The following TMEM178B variants were observed in gnomAD, a reference collection of about 807,000 sequenced individuals.
TMEM178B encodes the protein transmembrane protein 178B.
TMEM178B carries 5 observed loss-of-function variants against 31.0 expected under a neutral mutation model. That is an observed-to-expected ratio of 0.16 (90% CI 0.08 to 0.34). The LOEUF (loss-of-function observed/expected upper bound fraction) is 0.34, where lower values mean the gene tolerates loss of function less well. Ranked by LOEUF, TMEM178B falls within the 10% of genes least tolerant of loss-of-function variation. The pLI is 1.00. For missense variants in TMEM178B, 275 were observed against 400.3 expected, an observed-to-expected ratio of 0.69 and a Z score of 2.67; for synonymous variants, 164 against 164.0, an observed-to-expected ratio of 1.00 and a Z score of 0.00.
chr7:141,088,149 C>T (rs1164725031), intron 1 of TMEM178B, among the ~76,000 whole-genome samples: 1 of 152,074 alleles, frequency 6.6e-6, no homozygotes, highest in Non-Finnish European at 1.5e-5. Context: ...AAAGCCTGGC[C>T]TCTGTGTCTT....
chr7:141,416,105 T>G (rs1164386914), intron 2 of TMEM178B: 1 of 152,842 alleles, frequency 6.5e-6, no homozygotes, highest in Non-Finnish European at 1.5e-5. Flanking sequence ...TCCAAAACTT[T>G]GAGTCTTGCT....
intron 2 of TMEM178B, among the ~76,000 whole-genome samples, chr7:141,261,181 T>C (rs1158361960): frequency 4.6e-5 from 7 of 152,174 alleles, no homozygotes; most frequent in South Asian, 2.1e-4. Context: ...ACCATTTTGT[T>C]TGGGGCACAA....
chr7:141,255,233 G>T (rs972454757), intron 2 of TMEM178B, among the ~76,000 whole-genome samples: 1 of 152,192 alleles, frequency 6.6e-6, no homozygotes, highest in Non-Finnish European at 1.5e-5. Flanking sequence ...GGGGTACAGA[G>T]GTTGGATTCC....
chr7:141,466,085 G>T (rs1162389253), intron 3 of TMEM178B, among the ~76,000 whole-genome samples: 3 of 152,182 alleles, frequency 2.0e-5, no homozygotes, highest in Admixed American at 2.0e-4. Context: ...AGCATATATG[G>T]AAATTAATCA....
intron 3 of TMEM178B, among the ~76,000 whole-genome samples, chr7:141,464,766 A>C (rs961549914): frequency 1.3e-5 from 2 of 152,082 alleles, no homozygotes; most frequent in African/African-American, 4.8e-5. Context: ...CACAGTTACT[A>C]TGCCACCAAT....
chr7:141,243,371 T>G (rs1277302577), intron 2 of TMEM178B, among the ~76,000 whole-genome samples: 1 of 152,036 alleles, frequency 6.6e-6, no homozygotes, highest in South Asian at 2.1e-4. Flanking sequence ...ACTTCTGTCT[T>G]TGTAAGGGGT....
At chr7:141,492,210 T>C in the TMEM178B span, among the ~76,000 whole-genome samples, 1 of 152,170 alleles carries the variant, frequency 6.6e-6, no homozygotes, top group Non-Finnish European at 1.5e-5. Flanking sequence ...ATGTGGTCCC[T>C]CTGCTGCGCA....
intron 2 of TMEM178B, among the ~76,000 whole-genome samples, chr7:141,332,424 C>A (rs1799314224): frequency 6.6e-6 from 1 of 152,196 alleles, no homozygotes; most frequent in Admixed American, 6.5e-5. Flanking sequence ...TTGAAGAATT[C>A]TGTTCATTCA....
At chr7:141,307,490 G>A (rs1798834356) in intron 2 of TMEM178B, among the ~76,000 whole-genome samples, 2 of 152,160 alleles carry the variant, frequency 1.3e-5, no homozygotes, top group African/African-American at 4.8e-5. Flanking sequence ...GCTCCTTTCT[G>A]GGAGCCCCCA....
At chr7:141,438,148 G>T (rs1801583716) in intron 3 of TMEM178B, among the ~76,000 whole-genome samples, 1 of 152,042 alleles carries the variant, frequency 6.6e-6, no homozygotes, top group African/African-American at 2.4e-5. Context: ...GTGCTATCTG[G>T]GCACTTTCCG....
intron 2 of TMEM178B, among the ~76,000 whole-genome samples, chr7:141,372,441 C>T (rs1379210007): frequency 6.6e-6 from 1 of 152,154 alleles, no homozygotes; most frequent in African/African-American, 2.4e-5. Context: ...CCTTCACCTC[C>T]TTCAGGTCTT....
intron 1 of TMEM178B, among the ~76,000 whole-genome samples, chr7:141,150,514 A>C (rs1301433821): frequency 1.3e-5 from 2 of 152,210 alleles, no homozygotes; most frequent in East Asian, 3.9e-4. Context: ...ACTTCCCTTG[A>C]CCCATGAAAG....
Position 141,154,731 on chromosome 7 carries a change from C to CT in TMEM178B, c.383-57844dup, listed in dbSNP as rs377268150. On this transcript the variant is annotated intron_variant, in intron 1 of 3. Transcript: ENST00000565468. ...TGGGATGCAGCTGTTAACTTGTTAACTTTTTTTTTTTTTTTTGAGGCAGAG... is the reference window on the plus strand; with the variant it reads ...TGGGATGCAGCTGTTAACTTGTTAACTTTTTTTTTTTTTTTTTGAGGCAGAG... Among the ~76,000 whole-genome samples the CT allele has an allele frequency of 7.1e-3, 999 of 141,184 alleles. 4 individuals are homozygous for CT. The highest frequency in any genetic ancestry group is 0.011 in the African/African-American group (419 of 38,810). The allele number at this position is 141,184 out of a possible 152,430, so 92.6% of individuals were successfully genotyped here.
intron 2 of TMEM178B, among the ~76,000 whole-genome samples, chr7:141,374,815 T>G (rs914378768): frequency 6.6e-6 from 1 of 152,260 alleles, no homozygotes; most frequent in African/African-American, 2.4e-5. Context: ...TTTAATCTGA[T>G]AGATGAGATC....
intron 2 of TMEM178B, among the ~76,000 whole-genome samples, chr7:141,411,904 T>C (rs1800996718): frequency 6.6e-6 from 1 of 152,216 alleles, no homozygotes; most frequent in Non-Finnish European, 1.5e-5. Flanking sequence ...GGCTTGTCTT[T>C]AGTGACAGGC....
At chr7:141,325,937 A>G (rs1310660136) in intron 2 of TMEM178B, among the ~76,000 whole-genome samples, 2 of 152,356 alleles carry the variant, frequency 1.3e-5, no homozygotes, top group Non-Finnish European at 2.9e-5. Flanking sequence ...TTTAGATCAC[A>G]GACACCTTTG....
chr7:141,436,290 A>G (rs1415558404), intron 2 of TMEM178B, among the ~76,000 whole-genome samples: 1 of 152,178 alleles, frequency 6.6e-6, no homozygotes, highest in Non-Finnish European at 1.5e-5. Flanking sequence ...AAGATTGTCC[A>G]GGCAGGCTGC....
intron 2 of TMEM178B, among the ~76,000 whole-genome samples, chr7:141,375,531 A>G (rs1462194852): frequency 1.3e-5 from 2 of 152,202 alleles, no homozygotes; most frequent in Non-Finnish European, 2.9e-5. Flanking sequence ...ACTGCATTAC[A>G]TCCTGTTTCT....
Position 141,422,946 on chromosome 7 carries a change from C to T in TMEM178B, c.497-14662C>T, listed in dbSNP as rs917207304. Among the ~76,000 whole-genome samples the T allele has an allele frequency of 6.6e-6, 1 of 152,132 alleles. No individual in the cohort carries two copies. Among genetic ancestry groups the T allele is most frequent in the African/African-American group, 2.4e-5 (1 of 41,416 alleles). ...CGCCTCTCTTTAGAACAGTGCTGTC[C>T]CATGGAAATATCGTGCAAACCGCAT... is the stretch of plus-strand genomic sequence containing the variant. On this transcript the variant is annotated intron_variant, in intron 2 of 3. Coordinates refer to ENST00000565468, the MANE Select transcript of TMEM178B (RefSeq NM_001195278.2). This position sits in a 1 kb window ranked among gnomAD's most constrained non-coding sequence, Gnocchi z 4.2.
Sources: allele counts gnomAD v4.1 joint callset (sites outside exome capture counted in the v4.1 genomes callset), GRCh38; gene constraint gnomAD v4.1.1; non-coding constraint Gnocchi (gnomAD v3.1); transcripts MANE v1.5; gene names NCBI Gene and HGNC (gene_info 2026-07-23, HGNC 2026-07-21).